SHANK2: variants seen among roughly 807,000 people sequenced by gnomAD.
The protein encoded by SHANK2 is SH3 and multiple ankyrin repeat domains 2, also known as SH3 and multiple ankyrin repeat domains protein 2.
Under a neutral mutation model 133.7 loss-of-function variants are expected in SHANK2, and 43 were observed. That is an observed-to-expected ratio of 0.32 (90% CI 0.25 to 0.41). The LOEUF (loss-of-function observed/expected upper bound fraction) is 0.41, where lower values mean the gene tolerates loss of function less well. Among genes scored for constraint, SHANK2 ranks in the 10% least tolerant of loss-of-function variants. The pLI, the probability that SHANK2 is intolerant of heterozygous loss-of-function variation, is 1.00. For missense variants in SHANK2, 1,994 were observed against 2,235.8 expected, an observed-to-expected ratio of 0.89 and a Z score of 2.18; for synonymous variants, 1,017 against 952.8, an observed-to-expected ratio of 1.07 and a Z score of -1.24.
At chr11:71,245,403 A>C (rs1954947487) in intron 1 of SHANK2, among the ~76,000 whole-genome samples, 1 of 152,258 alleles carries the variant, frequency 6.6e-6, no homozygotes. Flanking sequence ...TGTAAATTCT[A>C]ATAGCGTAAA....
intron 11 of SHANK2, among the ~76,000 whole-genome samples, chr11:70,838,456 G>GT (rs1481366488): frequency 1.3e-5 from 2 of 152,148 alleles, no homozygotes; most frequent in African/African-American, 4.8e-5. Flanking sequence ...GGTGTGTTTA[G>GT]TTTTTCAAGT....
intron 14 of SHANK2, among the ~76,000 whole-genome samples, chr11:70,701,845 C>A (rs534798472): frequency 2.0e-5 from 3 of 152,208 alleles, no homozygotes; most frequent in Non-Finnish European, 2.9e-5. Flanking sequence ...AGGAAAGGGA[C>A]CCTAAGGGAC....
intron 14 of SHANK2, among the ~76,000 whole-genome samples, chr11:70,778,537 G>A (rs1437151185): frequency 1.3e-5 from 2 of 152,030 alleles, no homozygotes; most frequent in African/African-American, 4.8e-5. Flanking sequence ...ACAAGGCAGG[G>A]CCTTGACCCA....
intron 11 of SHANK2, among the ~76,000 whole-genome samples, chr11:70,880,853 C>A (rs1555072283): frequency 2.0e-5 from 3 of 152,194 alleles, no homozygotes; most frequent in Non-Finnish European, 4.4e-5. Flanking sequence ...GGGCCATCAG[C>A]CACATTTGCT....
At chr11:70,558,340 C>G (rs182374929) in intron 17 of SHANK2, among the ~76,000 whole-genome samples, 1 of 152,246 alleles carries the variant, frequency 6.6e-6, no homozygotes, top group Non-Finnish European at 1.5e-5. Flanking sequence ...AGGAAGGGAG[C>G]AGCCGGCTTC....
At chr11:70,722,439 C>A (rs782160483) in intron 14 of SHANK2, among the ~76,000 whole-genome samples, 24 of 152,348 alleles carry the variant, frequency 1.6e-4, no homozygotes, top group Admixed American at 7.8e-4. Flanking sequence ...GCTCCTCCAG[C>A]CTTTCCAACA....
chr11:71,252,848 G>T (rs1948210613), upstream of SHANK2, among the ~76,000 whole-genome samples: 1 of 152,138 alleles, frequency 6.6e-6, no homozygotes, highest in Non-Finnish European at 1.5e-5. This position sits in a 1 kb window ranked among gnomAD's most constrained non-coding sequence, Gnocchi z 6.3. Flanking sequence ...CGTGGCTCAC[G>T]GACCTCCCCC....
At chr11:70,691,095 C>G (rs1436479048) in intron 15 of SHANK2, among the ~76,000 whole-genome samples, 1 of 151,956 alleles carries the variant, frequency 6.6e-6, no homozygotes, top group Admixed American at 6.6e-5. Flanking sequence ...TACATGCATG[C>G]AGTACTTGGA....
In SHANK2 at chr11:70,820,980, G is replaced by T. The variant is rs147074645; in HGVS notation, c.1175-298C>A. On this transcript the variant is annotated intron_variant, in intron 11 of 25. Transcript: ENST00000601538. Reference sequence around the variant, plus strand: ...TGAGCTTCCATCTGGCCTGGGAGACGTCCGGCTGGCTTGGGCATGTGTAAG... The same window carrying T: ...TGAGCTTCCATCTGGCCTGGGAGACTTCCGGCTGGCTTGGGCATGTGTAAG... Among the ~76,000 whole-genome samples the T allele has an allele frequency of 3.9e-5, 6 of 152,260 alleles. No individual in the cohort carries two copies. The South Asian group carries it at 8.3e-4, about 21-fold the overall frequency.
At chr11:70,714,143 C>T (rs782280527) in intron 14 of SHANK2, among the ~76,000 whole-genome samples, 2 of 152,236 alleles carry the variant, frequency 1.3e-5, no homozygotes, top group Non-Finnish European at 2.9e-5. Flanking sequence ...CAAACCAAAC[C>T]TCCCCAGAGC....
chr11:70,604,574 T>C (rs1377274110), intron 17 of SHANK2: 5 of 151,906 alleles, frequency 3.3e-5, no homozygotes, highest in African/African-American at 1.2e-4. Context: ...TCCTGGTGAG[T>C]GGTTGCTGTG....
intron 17 of SHANK2, among the ~76,000 whole-genome samples, chr11:70,625,726 C>A (rs1190925690): frequency 1.3e-5 from 2 of 151,168 alleles, no homozygotes; most frequent in East Asian, 3.9e-4. Flanking sequence ...CCCCTCCGCT[C>A]CCCAAGTCCC....
chr11:70,591,090 CCAG>C (rs2060314609), intron 17 of SHANK2, among the ~76,000 whole-genome samples: 1 of 152,192 alleles, frequency 6.6e-6, no homozygotes, highest in African/African-American at 2.4e-5. Context: ...GTTTGTCATC[CCAG>C]CACTTTGGGA....
intron 10 of SHANK2, among the ~76,000 whole-genome samples, chr11:70,955,282 C>T (rs1950900953): frequency 6.6e-6 from 1 of 152,072 alleles, no homozygotes; most frequent in Non-Finnish European, 1.5e-5. Flanking sequence ...TCCAAATATA[C>T]AATGCCAGGT....
intron 9 of SHANK2, among the ~76,000 whole-genome samples, chr11:71,070,402 C>G (rs2135965508): frequency 6.6e-6 from 1 of 152,328 alleles, no homozygotes; most frequent in African/African-American, 2.4e-5. Context: ...TTCTTGGAGG[C>G]TAGGCAAGGC....
intron 15 of SHANK2, among the ~76,000 whole-genome samples, chr11:70,666,714 T>A (rs567031086): frequency 2.6e-5 from 4 of 152,156 alleles, no homozygotes; most frequent in Non-Finnish European, 4.4e-5. Context: ...CACGCTGTGT[T>A]GGGACAGCCT....
chr11:71,059,214 T>C (rs1950958434), intron 9 of SHANK2, among the ~76,000 whole-genome samples: 1 of 151,932 alleles, frequency 6.6e-6, no homozygotes, highest in Non-Finnish European at 1.5e-5. Context: ...CGAAACTCTG[T>C]CTCGAAAAAA....
chr11:70,639,281 T>C (rs1055758459), intron 17 of SHANK2, among the ~76,000 whole-genome samples: 1 of 152,110 alleles, frequency 6.6e-6, no homozygotes, highest in Non-Finnish European at 1.5e-5. Context: ...CAGGGTGCCG[T>C]AGCAAAATGC....
chr11:71,201,078 G>C (rs1474608179), intron 2 of SHANK2, among the ~76,000 whole-genome samples: 2 of 152,106 alleles, frequency 1.3e-5, no homozygotes, highest in Admixed American at 6.5e-5. Context: ...ACACGACAGT[G>C]ATGGTTTAAG....
Sources: gnomAD v4.1 joint callset for allele counts (sites outside exome capture counted in the v4.1 genomes callset) on GRCh38, gnomAD v4.1.1 for gene constraint, Gnocchi (gnomAD v3.1) non-coding constraint, MANE v1.5 for transcripts, NCBI Gene and HGNC (gene_info 2026-07-23, HGNC 2026-07-21) for gene names.